PSMD1: variants seen among roughly 807,000 people sequenced by gnomAD.
PSMD1 encodes 26S proteasome non-ATPase regulatory subunit 1.
PSMD1 carries 18 observed loss-of-function variants against 119.0 expected under a neutral mutation model. The observed-to-expected ratio is 0.15, with a 90% CI of 0.10 to 0.22. PSMD1 has a LOEUF of 0.22. Among genes scored for constraint, PSMD1 ranks in the 10% least tolerant of loss-of-function variants. The pLI, the probability that PSMD1 is intolerant of heterozygous loss-of-function variation, is 1.00. For synonymous variants in PSMD1, 374 were observed against 396.6 expected (o/e 0.94, Z 0.68); for missense variants, 702 against 1,158.5 (o/e 0.61, Z 5.72).
intron 10 of PSMD1, 39 bp downstream of exon 10, chr2:231,078,786 TTTTTC>T: frequency 1.7e-6 from 2 of 1,183,426 alleles, no homozygotes; most frequent in Non-Finnish European, 2.3e-6. Flanking sequence ...GTTCAAAATC[TTTTTC>T]TTTTTTTTTT....
At chr2:231,144,975 C>A (rs1417794052) in intron 17 of PSMD1, among the ~76,000 whole-genome samples, 1 of 152,176 alleles carries the variant, frequency 6.6e-6, no homozygotes, top group Admixed American at 6.5e-5. Context: ...TTTTTTATGA[C>A]CTCTTACCTC....
rs988043768 is a variant in PSMD1 at position 231,136,914 on chromosome 2, G to A, written c.1884-1822G>A. On this transcript the variant is annotated intron_variant, in intron 16 of 24. Transcript: ENST00000308696. The stretch of plus-strand genomic sequence containing the variant: ...ATTCATATCTTAGGTAGTTTATGCC[G>A]CTTTGCCACTTTTATATATATAATA... Among the ~76,000 whole-genome samples the A allele has an allele frequency of 4.1e-5, 6 of 144,874 alleles. No individual in the cohort carries two copies. The South Asian group carries it at 6.4e-4, about 15-fold the overall frequency.
chr2:231,083,131 C>T (rs1189169321), intron 13 of PSMD1, 137 bp downstream of exon 13: 3 of 718,178 alleles, frequency 4.2e-6, no homozygotes, highest in South Asian at 4.0e-5. Context: ...GAATTTTGCT[C>T]CATTTGTCAA....
rs778818624 is a variant in PSMD1, at chr2:231,153,611, T to C, written c.2163T>C (p.His721=). Residue 721 remains histidine, a synonymous_variant, in exon 19 of 25, where the codon CAT becomes CAC. Transcript: ENST00000308696. ...QLYSKVINDK[H]DDVMAKFGAI... ...ATTCCAAAGTCATCAATGATAAGCA[T>C]GATGATGTCATGGCCAAGTTTGGCG... The C allele has an allele frequency of 2.5e-6, 4 of 1,613,912 alleles. No homozygotes were observed. In the South Asian group the frequency reaches 3.3e-5, roughly 13 times the overall value.
At chr2:231,155,845 A>G (rs191124228) in intron 19 of PSMD1, among the ~76,000 whole-genome samples, 158 of 152,098 alleles carry the variant, frequency 1.0e-3, no homozygotes, top group African/African-American at 3.6e-3. Context: ...GCAGCTGTTT[A>G]TAGATAAAAA....
In PSMD1 at chr2:231,163,639, C is replaced by T. The variant is rs768455947; in HGVS notation, c.2393C>T (p.Pro798Leu). The change falls in exon 21 of 25, where the codon CCG becomes CTG. Residue 798 changes from proline to leucine, a missense_variant. Around this residue, in one of 9 missense-constraint regions of PSMD1, gnomAD observed 152 missense variants for 239.3 expected, o/e 0.64. Transcript: ENST00000308696. The stretch of plus-strand genomic sequence containing the variant: ...ATTTTAATGGAATTTCTTCAGATGC[C>T]GAAAGTTCAGTATAAATCGAACTGT... ...VIGLNKDLKM[P>L]KVQYKSNCKP... is the part of the protein sequence containing the mutation. The T allele has an allele frequency of 1.9e-6, 3 of 1,608,052 alleles. No individual in the cohort carries two copies. The highest frequency in any genetic ancestry group is 1.3e-5 in the African/African-American group (1 of 74,612).
chr2:231,075,632 C>A, intron 8 of PSMD1, 61 bp downstream of exon 8: 2 of 1,481,430 alleles, frequency 1.4e-6, no homozygotes, highest in South Asian at 1.2e-5. Context: ...CAGGCTAGAA[C>A]GCAGTGGCGC....
intron 19 of PSMD1, among the ~76,000 whole-genome samples, chr2:231,155,147 G>A (rs1248080546): frequency 6.6e-6 from 1 of 152,212 alleles, no homozygotes; most frequent in African/African-American, 2.4e-5. Flanking sequence ...CCCTATCCAT[G>A]TGAATATAAT....
intron 16 of PSMD1, chr2:231,109,350 T>C (rs757540044): frequency 6.2e-7 from 1 of 1,614,108 alleles, no homozygotes; most frequent in East Asian, 2.2e-5. Context: ...ACACAAGTGA[T>C]ATTGTTTGGG....
chr2:231,130,614 T>C (rs1282087238), intron 16 of PSMD1, among the ~76,000 whole-genome samples: 1 of 152,058 alleles, frequency 6.6e-6, no homozygotes, highest in Non-Finnish European at 1.5e-5. Context: ...TGCACCTCCA[T>C]CCCCGGCTAA....
At chr2:231,148,653 A>G (rs1696302525) in intron 18 of PSMD1, among the ~76,000 whole-genome samples, 1 of 152,236 alleles carries the variant, frequency 6.6e-6, no homozygotes, top group African/African-American at 2.4e-5. Flanking sequence ...CAAAATTGAC[A>G]TGTGAAACTC....
At chr2:231,146,113 T>C in intron 17 of PSMD1, 127 bp from the exon 18 acceptor site, 1 of 623,658 alleles carries the variant, frequency 1.6e-6, no homozygotes, top group Non-Finnish European at 2.9e-6. Flanking sequence ...TCCATTATAA[T>C]GGGACTACCA....
chr2:231,163,646 T>A lies in PSMD1; in HGVS notation c.2400T>A (p.Val800=). 6.2e-7 allele frequency: 1 copy of A among 1,611,432 alleles called. No individual in the cohort carries two copies. The change falls in exon 21 of 25, where the codon GTT becomes GTA. Residue 800 remains valine (V), a synonymous_variant. Coordinates refer to ENST00000308696, the MANE Select transcript of PSMD1 (RefSeq NM_002807.4). ...TGGAATTTCTTCAGATGCCGAAAGT[T>A]CAGTATAAATCGAACTGTAAACCAT... ...GLNKDLKMPK[V]QYKSNCKPST...
At chr2:231,146,447 T>C in intron 18 of PSMD1, 91 bp downstream of exon 18, 1 of 897,656 alleles carries the variant, frequency 1.1e-6, no homozygotes, top group Admixed American at 2.0e-5. Flanking sequence ...TTAGTTCAAA[T>C]ATGGTAAACA....
intron 16 of PSMD1, among the ~76,000 whole-genome samples, chr2:231,133,112 A>T (rs1695888532): frequency 6.6e-6 from 1 of 152,172 alleles, no homozygotes; most frequent in Non-Finnish European, 1.5e-5. Flanking sequence ...TACTACTCAG[A>T]TTATTTGGAA....
intron 16 of PSMD1, among the ~76,000 whole-genome samples, chr2:231,135,804 A>G (rs1333171829): frequency 6.6e-6 from 1 of 152,164 alleles, no homozygotes; most frequent in Admixed American, 6.5e-5. Flanking sequence ...TTCTAATAAT[A>G]CTAGTGACAA....
chr2:231,132,617 A>G (rs897123490), intron 16 of PSMD1, among the ~76,000 whole-genome samples: 1 of 152,018 alleles, frequency 6.6e-6, no homozygotes, highest in Non-Finnish European at 1.5e-5. Context: ...GACTCTCCCC[A>G]GCATACATAA....
chr2:231,111,831 A>C (rs1229985506), intron 16 of PSMD1, among the ~76,000 whole-genome samples: 1 of 152,232 alleles, frequency 6.6e-6, no homozygotes, highest in Non-Finnish European at 1.5e-5. Flanking sequence ...TCTTCCTTTT[A>C]ATCTTTTTTC....
Position 231,161,552 on chromosome 2 carries a change from C to T in PSMD1, c.2388+43C>T, listed in dbSNP as rs150367632. ...CAGCTTTGTAGTATTTCCTGTTCACCGTATCTTATTCATATTTACCGCCCA... is the reference window on the plus strand; with the variant it reads ...CAGCTTTGTAGTATTTCCTGTTCACTGTATCTTATTCATATTTACCGCCCA... On this transcript the variant is annotated intron_variant, in intron 20 of 24. Coordinates refer to ENST00000308696, the MANE Select transcript of PSMD1 (RefSeq NM_002807.4). 2.3e-3 allele frequency: 3,542 copies of T among 1,540,074 alleles called. 5 individuals carry two copies. Among genetic ancestry groups the T allele is most frequent in the Non-Finnish European group, 2.8e-3 (3,131 of 1,130,382 alleles).
Sources: allele counts gnomAD v4.1 joint callset (sites outside exome capture counted in the v4.1 genomes callset), GRCh38; gene constraint gnomAD v4.1.1; regional missense constraint gnomAD v4.1.1; transcripts MANE v1.5; gene names NCBI Gene and HGNC (gene_info 2026-07-23, HGNC 2026-07-21).